The following MRPS27 variants were observed in gnomAD, a reference collection of about 807,000 sequenced individuals.
MRPS27 encodes small ribosomal subunit protein mS27.
Under a neutral mutation model 48.9 loss-of-function variants are expected in MRPS27, and 43 were observed. The observed-to-expected ratio is 0.88, with a 90% confidence interval of 0.69 to 1.13. MRPS27 has a LOEUF of 1.13. Among genes scored for constraint, MRPS27 ranks in the 50% most tolerant of loss-of-function variants. The pLI, the probability that MRPS27 is intolerant of heterozygous loss-of-function variation, is 0.00. For synonymous variants in MRPS27, 188 were observed against 171.9 expected, an observed-to-expected ratio of 1.09 and a Z score of -0.73; for missense variants, 467 against 476.3, an observed-to-expected ratio of 0.98 and a Z score of 0.18.
chr5:72,292,218 T>C (rs1307945906), intron 4 of MRPS27, among the ~76,000 whole-genome samples: 1 of 150,362 alleles, frequency 6.7e-6, no homozygotes, highest in Non-Finnish European at 1.5e-5. Context: ...TTTTTTTTTT[T>C]TTTTTTGGCC....
intron 4 of MRPS27, among the ~76,000 whole-genome samples, chr5:72,253,242 CTTATT>C (rs1466053280): frequency 6.6e-6 from 1 of 152,166 alleles, no homozygotes; most frequent in Non-Finnish European, 1.5e-5. Flanking sequence ...CTCCCAGTCT[CTTATT>C]TTGTCAATTT....
Position 72,249,408 on chromosome 5 carries a change from G to A in MRPS27, c.282-11280C>T, listed in dbSNP as rs1462857754. On this transcript the variant is annotated intron_variant, in intron 4 of 10. Transcript: ENST00000261413. ...ATCAAAAACAAGTATTTTCAGCCCC[G>A]CGTGGTGGCTCACGCCTGTAATCCT... 7.9e-5 allele frequency among the ~76,000 whole-genome samples: 12 copies of A among 152,224 alleles called. No individual in the cohort carries two copies. In the East Asian group the frequency reaches 9.6e-4, roughly 12 times the overall value.
At chr5:72,221,206 A>G in intron 10 of MRPS27, 58 bp from the exon 11 acceptor site, 1 of 1,578,930 alleles carries the variant, frequency 6.3e-7, no homozygotes, top group Non-Finnish European at 8.6e-7. Flanking sequence ...AGAAAGATAC[A>G]AAGAGGAAAA....
chr5:72,242,316 G>T (rs1748373123), intron 4 of MRPS27, among the ~76,000 whole-genome samples: 1 of 150,888 alleles, frequency 6.6e-6, no homozygotes, highest in Non-Finnish European at 1.5e-5. Flanking sequence ...ATGTTACCAG[G>T]AAAGAAGGAG....
intron 2 of MRPS27, among the ~76,000 whole-genome samples, chr5:72,304,240 A>C (rs1750198297): frequency 1.3e-5 from 2 of 152,112 alleles, no homozygotes; most frequent in African/African-American, 4.8e-5. Flanking sequence ...GGGGAAAAAA[A>C]CGTAAAAAAC....
intron 2 of MRPS27, among the ~76,000 whole-genome samples, chr5:72,307,214 T>C (rs1365213126): frequency 6.6e-6 from 1 of 151,698 alleles, no homozygotes; most frequent in Non-Finnish European, 1.5e-5. Flanking sequence ...TAGCCGGGCA[T>C]GGTGGCGGGC....
chr5:72,314,991 G>A (rs1320146521), intron 1 of MRPS27, among the ~76,000 whole-genome samples: 1 of 152,200 alleles, frequency 6.6e-6, no homozygotes, highest in African/African-American at 2.4e-5. Context: ...CTGAGGTAAC[G>A]TACAAGATAG....
chr5:72,265,547 A>C (rs1038372558), intron 4 of MRPS27, among the ~76,000 whole-genome samples: 4 of 152,220 alleles, frequency 2.6e-5, no homozygotes, highest in African/African-American at 9.6e-5. Flanking sequence ...AATTATATAA[A>C]CAGTCTGGGC....
At chr5:72,290,312 T>G (rs1044781838) in intron 4 of MRPS27, among the ~76,000 whole-genome samples, 1 of 152,192 alleles carries the variant, frequency 6.6e-6, no homozygotes, top group African/African-American at 2.4e-5. Flanking sequence ...ACACTCACCA[T>G]AACTGACTCC....
At chr5:72,257,216 A>G (rs1226968457) in intron 4 of MRPS27, among the ~76,000 whole-genome samples, 3 of 152,196 alleles carry the variant, frequency 2.0e-5, no homozygotes, top group Non-Finnish European at 2.9e-5. Flanking sequence ...GCCTTTGGGA[A>G]AGTCTTACGT....
chr5:72,285,977 C>T (rs1340381088), intron 4 of MRPS27, among the ~76,000 whole-genome samples: 1 of 152,170 alleles, frequency 6.6e-6, no homozygotes. Flanking sequence ...GACACGAATC[C>T]GTCCTCATTT....
At position 72,295,659 on chromosome 5, in the gene MRPS27, C is replaced by A; in HGVS notation, c.223-70G>T. The A allele has an allele frequency of 7.8e-6, 9 of 1,153,576 alleles. No individual in the cohort carries two copies. In the Middle Eastern group the frequency reaches 9.9e-4, roughly 127 times the overall value. The allele number at this position is 1,153,576 out of a possible 1,614,324, so 71.5% of individuals were successfully genotyped here. On this transcript the variant is annotated intron_variant, in intron 3 of 10. Transcript: ENST00000261413. ...CATATATTTGGCCTAGGGCCTAGAT[C>A]ACACATTGACCTTAGAAAACACAGG...
At chr5:72,283,620 T>C (rs1749586912) in intron 4 of MRPS27, among the ~76,000 whole-genome samples, 2 of 152,202 alleles carry the variant, frequency 1.3e-5, no homozygotes, top group Admixed American at 6.5e-5. Flanking sequence ...TGGGTATGTT[T>C]TGGCAATTGT....
At chr5:72,311,963 C>A (rs1019871401) in intron 2 of MRPS27, among the ~76,000 whole-genome samples, 17 of 152,254 alleles carry the variant, frequency 1.1e-4, no homozygotes, top group African/African-American at 4.1e-4. Flanking sequence ...AAAACCCTGT[C>A]TCTATTAAAA....
intron 2 of MRPS27, among the ~76,000 whole-genome samples, chr5:72,306,866 C>T (rs1191837650): frequency 2.0e-5 from 3 of 152,090 alleles, no homozygotes; most frequent in Non-Finnish European, 4.4e-5. Flanking sequence ...TGAAACAACA[C>T]TGGTAGGGAA....
rs35020848 is a variant in MRPS27, at chr5:72,319,537, CTTTTTTTTT to C, written c.73+603_73+611del. On this transcript the variant is annotated intron_variant, in intron 1 of 10. Coordinates refer to ENST00000261413, the MANE Select transcript of MRPS27 (RefSeq NM_015084.3). ...AGGAATGGACACATTTAGGTTTTTC[CTTTTTTTTT>C]TTTTTTTTTTTTTTTGAGACAGGGT... Among the ~76,000 whole-genome samples, 342 of 84,228 alleles carry C rather than the reference CTTTTTTTTT, an allele frequency of 4.1e-3. 1 individual carries two copies. Among genetic ancestry groups the C allele is most frequent in the South Asian group, 0.012 (29 of 2,442 alleles). The allele number at this position is 84,228 out of a possible 152,430, so 55.3% of individuals were successfully genotyped here.
intron 4 of MRPS27, among the ~76,000 whole-genome samples, chr5:72,238,699 G>A (rs1036763705): frequency 1.3e-5 from 2 of 152,136 alleles, no homozygotes; most frequent in African/African-American, 4.8e-5. Flanking sequence ...ATCCCACACT[G>A]CCTTCTTCAC....
intron 9 of MRPS27, among the ~76,000 whole-genome samples, chr5:72,224,264 C>T (rs1284109649): frequency 3.3e-5 from 5 of 151,646 alleles, no homozygotes; most frequent in Admixed American, 3.3e-4. Flanking sequence ...GAGGCTGAGG[C>T]AGGAAGATTG....
intron 4 of MRPS27, among the ~76,000 whole-genome samples, chr5:72,276,165 T>C (rs186112981): frequency 3.3e-5 from 5 of 152,094 alleles, no homozygotes; most frequent in African/African-American, 7.2e-5. Flanking sequence ...CTTCAAACCA[T>C]ACTACAAGGC....
Sources: gnomAD v4.1 joint callset for allele counts (sites outside exome capture counted in the v4.1 genomes callset) on GRCh38, gnomAD v4.1.1 for gene constraint, MANE v1.5 for transcripts, NCBI Gene and HGNC (gene_info 2026-07-23, HGNC 2026-07-21) for gene names.